Variants in SPDYE4 observed in about 807,000 individuals in gnomAD.
The protein encoded by SPDYE4 is speedy/RINGO cell cycle regulator family member E4, also known as speedy protein E4.
SPDYE4 carries 30 observed loss-of-function variants against 37.5 expected under a neutral mutation model. The observed-to-expected ratio is 0.80, with a 90% CI of 0.60 to 1.09. The LOEUF (loss-of-function observed/expected upper bound fraction) is 1.09. Among genes scored for constraint, SPDYE4 ranks in the 50% least tolerant of loss-of-function variants. SPDYE4 has a pLI of 0.00. For synonymous variants in SPDYE4, 131 were observed against 120.3 expected, an observed-to-expected ratio of 1.09 and a Z score of -0.58; for missense variants, 300 against 307.9, an observed-to-expected ratio of 0.97 and a Z score of 0.19.
chr17:8,750,405 T>TAAATA (rs141497643), downstream of SPDYE4, among the ~76,000 whole-genome samples: 8,758 of 149,736 alleles, frequency 0.058, 753 homozygotes, highest in African/African-American at 0.19. Context: ...AATAAATAAA[T>TAAATA]AAATAAAATA....
At chr17:8,756,504 G>C (rs972067065) in intron 2 of SPDYE4, 68 bp from the exon 3 acceptor site, 5 of 1,454,882 alleles carry the variant, frequency 3.4e-6, no homozygotes, top group African/African-American at 1.4e-5. Flanking sequence ...GCAGAGCAGA[G>C]AGGAGAACTG....
chr17:8,747,954 C>A (rs1421547219), downstream of SPDYE4, among the ~76,000 whole-genome samples: 1 of 152,210 alleles, frequency 6.6e-6, no homozygotes, highest in Admixed American at 6.5e-5. Flanking sequence ...GCACTTCTTA[C>A]ATGGTGGTGG....
At chr17:8,757,709 T>G (rs1047908633) in intron 1 of SPDYE4, among the ~76,000 whole-genome samples, 6 of 151,604 alleles carry the variant, frequency 4.0e-5, no homozygotes, top group Non-Finnish European at 8.8e-5. Flanking sequence ...CATTTCCTCA[T>G]CACAGATAAG....
intron 4 of SPDYE4, among the ~76,000 whole-genome samples, chr17:8,754,435 TGTG>T (rs572642535): frequency 4.6e-5 from 7 of 152,054 alleles, no homozygotes; most frequent in Non-Finnish European, 8.8e-5. Flanking sequence ...ACTGGCTAGA[TGTG>T]GTGGCATGCA....
At chr17:8,748,147 G>A (rs1179040234), downstream of SPDYE4, among the ~76,000 whole-genome samples, 2 of 152,202 alleles carry the variant, frequency 1.3e-5, no homozygotes, top group African/African-American at 4.8e-5. Context: ...GTTGAGATTT[G>A]CATGGGGACA....
chr17:8,750,405 T>TA (rs1555523652), downstream of SPDYE4, among the ~76,000 whole-genome samples: 3 of 149,658 alleles, frequency 2.0e-5, no homozygotes, highest in Non-Finnish European at 3.0e-5. Flanking sequence ...AATAAATAAA[T>TA]AAATAAAATA....
downstream of SPDYE4, among the ~76,000 whole-genome samples, chr17:8,747,796 G>T (rs1428903867): frequency 1.3e-5 from 2 of 152,122 alleles, no homozygotes; most frequent in Non-Finnish European, 1.5e-5. Flanking sequence ...GAATCTGTGT[G>T]CCCCCTCAAA....
rs576393496 is a variant in SPDYE4 at position 8,751,218 on chromosome 17, A to T, written c.*1064T>A. On this transcript the variant is annotated 3_prime_UTR_variant, in exon 7 of 7. Transcript: ENST00000689094. ...TAGGATAAAAAGAATCCTCTCTTAA[A>T]AATGAAAACAGAATTATATCTATGT... Among the ~76,000 whole-genome samples the T allele has an allele frequency of 6.6e-6, 1 of 152,362 alleles. No individual in the cohort carries two copies. Among genetic ancestry groups the T allele is most frequent in the African/African-American group, 2.4e-5 (1 of 41,586 alleles).
chr17:8,757,752 C>G (rs1239427119), intron 1 of SPDYE4, among the ~76,000 whole-genome samples: 1 of 150,792 alleles, frequency 6.6e-6, no homozygotes, highest in Non-Finnish European at 1.5e-5. Context: ...GAAACCTTCC[C>G]TTGAGCTCTG....
rs778866655 is a variant in SPDYE4 at position 8,755,566 on chromosome 17, C to T, written c.439G>A (p.Gly147Ser). 18 of 1,612,288 alleles carry T rather than the reference C, an allele frequency of 1.1e-5. No individual in the cohort carries two copies. The Admixed American group carries it at 1.5e-4, about 13-fold the overall frequency. ...AMVIAYFSRAGLFSWQYQRIH... is the reference protein window; with the variant it reads ...AMVIAYFSRASLFSWQYQRIH... The stretch of plus-strand genomic sequence containing the variant: ...CGTTGGTATTGCCACGAGAAGAGGC[C>T]GGCACGGCTAAAATACGCTATGACC... Residue 147 changes from glycine (G) to serine (S), a missense_variant, in exon 4 of 7, where the codon GGC (glycine) becomes AGC (serine). Physicochemically the swap from Gly to Ser is moderately conservative, Grantham distance 56. Coordinates refer to ENST00000689094, the MANE Select transcript of SPDYE4 (RefSeq NM_001394956.1).
Position 8,753,481 on chromosome 17 carries a change from G to T in SPDYE4, c.494C>A (p.Ala165Asp). 1.9e-6 allele frequency: 3 copies of T among 1,613,750 alleles called. No homozygotes were observed. The highest frequency in any genetic ancestry group is 2.5e-6 in the Non-Finnish European group (3 of 1,179,890). ...CTGGTTGTCCTCCTCCATGTCACTGGCCAGGTAGCTGGGGAGAGAGATCAG... is the reference window on the plus strand; with the variant it reads ...CTGGTTGTCCTCCTCCATGTCACTGTCCAGGTAGCTGGGGAGAGAGATCAG... ...RIHFFLALYL[A>D]SDMEEDNQAP... Residue 165 changes from alanine to aspartate, a missense_variant, in exon 5 of 7, where the codon GCC becomes GAC. Coordinates refer to ENST00000689094, the MANE Select transcript of SPDYE4 (RefSeq NM_001394956.1).
downstream of SPDYE4, among the ~76,000 whole-genome samples, chr17:8,750,814 A>G (rs1011808246): frequency 6.6e-6 from 1 of 152,270 alleles, no homozygotes; most frequent in East Asian, 1.9e-4. Flanking sequence ...TCATTGGACA[A>G]CAAATAAGCA....
At chr17:8,750,038 T>C (rs996236398), downstream of SPDYE4, among the ~76,000 whole-genome samples, 1 of 152,162 alleles carries the variant, frequency 6.6e-6, no homozygotes, top group African/African-American at 2.4e-5. Flanking sequence ...TTGACTTCAG[T>C]GATTTGATGT....
intron 6 of SPDYE4, among the ~76,000 whole-genome samples, chr17:8,752,505 C>T (rs529230146): frequency 2.6e-5 from 4 of 152,282 alleles, no homozygotes; most frequent in African/African-American, 9.6e-5. Context: ...GGTGGCTCCA[C>T]CCAGGGAGTA....
Position 8,750,932 on chromosome 17 carries a change from GTCC to G in SPDYE4, c.*1347_*1349del, listed in dbSNP as rs1327633641. Among the ~76,000 whole-genome samples, 1 of 152,180 alleles carries G rather than the reference GTCC, an allele frequency of 6.6e-6. No homozygotes were observed. The highest frequency in any genetic ancestry group is 1.5e-5 in the Non-Finnish European group (1 of 68,034). ...GTCCTCTTTGAAACACACAGCTCCT[GTCC>G]TCCTTTCAAACACATGTCCTCTTTA... On this transcript the variant is annotated 3_prime_UTR_variant, in exon 7 of 7. Transcript: ENST00000689094.
chr17:8,749,292 C>T (rs555649015), downstream of SPDYE4, among the ~76,000 whole-genome samples: 90 of 151,266 alleles, frequency 5.9e-4, 1 homozygote, highest in Middle Eastern at 3.4e-3. Flanking sequence ...GATGGAGTCT[C>T]GCTCTGTCAC....
At chr17:8,757,187 G>C in intron 2 of SPDYE4, 75 bp downstream of exon 2, 1 of 1,388,794 alleles carries the variant, frequency 7.2e-7, no homozygotes. Flanking sequence ...TTCTTATTGG[G>C]AAAGTGTGAT....
chr17:8,752,370 T>A (rs1409784021), intron 6 of SPDYE4, among the ~76,000 whole-genome samples, 133 bp from the exon 7 acceptor site: 1 of 152,200 alleles, frequency 6.6e-6, no homozygotes, highest in Non-Finnish European at 1.5e-5. Context: ...AACCCTTTAT[T>A]GTAAACCCTG....
At chr17:8,750,752 T>C (rs1367369200), downstream of SPDYE4, among the ~76,000 whole-genome samples, 2 of 152,132 alleles carry the variant, frequency 1.3e-5, no homozygotes, top group Non-Finnish European at 2.9e-5. Flanking sequence ...AGCATTATTT[T>C]CCAGGGTTAA....
Sources: gnomAD v4.1 joint callset for allele counts (sites outside exome capture counted in the v4.1 genomes callset) on GRCh38, gnomAD v4.1.1 for gene constraint, MANE v1.5 for transcripts, NCBI Gene and HGNC (gene_info 2026-07-23, HGNC 2026-07-21) for gene names.